NBAS: variants seen among roughly 807,000 people sequenced by gnomAD.
The protein encoded by NBAS is NBAS subunit of NRZ tethering complex.
In NBAS, 219 loss-of-function variants were observed where a neutral mutation model predicts 302.5. That is an observed-to-expected ratio of 0.72 (90% CI 0.65 to 0.81). The LOEUF is 0.81. Ranked by LOEUF, NBAS falls within the 30% of genes least tolerant of loss-of-function variation. NBAS has a pLI of 0.00. For missense variants in NBAS, 2,932 were observed against 2,841.6 expected, an observed-to-expected ratio of 1.03 and a Z score of -0.72; for synonymous variants, 1,118 against 1,021.6, an observed-to-expected ratio of 1.09 and a Z score of -1.80.
At chr2:15,231,810 G>A (rs1037864466) in intron 47 of NBAS, among the ~76,000 whole-genome samples, 9 of 152,068 alleles carry the variant, frequency 5.9e-5, no homozygotes, top group African/African-American at 2.2e-4. Flanking sequence ...ATTGGGGAGA[G>A]GACTTACATG....
chr2:15,249,302 A>C (rs1304900574), intron 44 of NBAS, among the ~76,000 whole-genome samples: 2 of 152,222 alleles, frequency 1.3e-5, no homozygotes, highest in Non-Finnish European at 2.9e-5. Flanking sequence ...CTAGGTATTG[A>C]TGAAACGTAT....
At chr2:15,535,523 G>GAAAT (rs58852086) in intron 8 of NBAS, among the ~76,000 whole-genome samples, 14,809 of 99,484 alleles carry the variant, frequency 0.15, 1,079 homozygotes, top group African/African-American at 0.31. Context: ...CTCCGTCTCA[G>GAAAT]AAATAAATAA....
the NBAS span, among the ~76,000 whole-genome samples, chr2:15,151,823 T>A: frequency 6.6e-6 from 1 of 152,154 alleles, no homozygotes; most frequent in Non-Finnish European, 1.5e-5. Flanking sequence ...GTCTCCTTGG[T>A]GCTGTATCCA....
the NBAS span, among the ~76,000 whole-genome samples, chr2:14,812,108 C>T: frequency 6.6e-6 from 1 of 152,202 alleles, no homozygotes; most frequent in East Asian, 1.9e-4. Context: ...ATTCACATAG[C>T]TGGCAGTTGG....
intron 9 of NBAS, among the ~76,000 whole-genome samples, chr2:15,521,695 G>A (rs1468099554): frequency 6.6e-6 from 1 of 152,194 alleles, no homozygotes; most frequent in African/African-American, 2.4e-5. Context: ...AAGACAGGGT[G>A]TTTGGCTTTA....
chr2:15,205,984 G>C (rs1666123616), intron 48 of NBAS, among the ~76,000 whole-genome samples: 1 of 152,144 alleles, frequency 6.6e-6, no homozygotes, highest in Non-Finnish European at 1.5e-5. Context: ...CTGATATAAA[G>C]ATACCTGAAA....
At chr2:15,168,406 GA>G (rs1221956494) in intron 51 of NBAS, among the ~76,000 whole-genome samples, 1 of 152,180 alleles carries the variant, frequency 6.6e-6, no homozygotes, top group Admixed American at 6.5e-5. Context: ...GAAGTACTGA[GA>G]ATAAAATCCT....
chr2:15,255,318 T>C (rs940708951), intron 44 of NBAS, among the ~76,000 whole-genome samples: 1 of 152,216 alleles, frequency 6.6e-6, no homozygotes, highest in South Asian at 2.1e-4. Flanking sequence ...TGATAATTAG[T>C]GATGTTGAAC....
At chr2:15,331,681 A>C (rs933834050) in intron 35 of NBAS, among the ~76,000 whole-genome samples, 4 of 152,198 alleles carry the variant, frequency 2.6e-5, no homozygotes, top group Non-Finnish European at 5.9e-5. Flanking sequence ...GTAATCAATT[A>C]ATTACCCGGG....
chr2:15,558,549 T>A (rs1425065607), intron 2 of NBAS, 31 bp downstream of exon 2: 1 of 1,583,674 alleles, frequency 6.3e-7, no homozygotes, highest in African/African-American at 1.3e-5. Context: ...GTTAACCATA[T>A]CATTACTGTA....
In NBAS at chr2:15,294,199, G is replaced by A. The variant is rs1670445250; in HGVS notation, c.4798-1433C>T. On this transcript the variant is annotated intron_variant, in intron 40 of 51. Coordinates refer to ENST00000281513, the MANE Select transcript of NBAS (RefSeq NM_015909.4). ...CCTAGGGTGCTCTGGGAATACACAG[G>A]AGTGGGCAGGTGTTATCGAAGTCTT... 2.0e-5 allele frequency among the ~76,000 whole-genome samples: 3 copies of A among 152,336 alleles called. No homozygotes were observed. In the South Asian group the frequency reaches 6.2e-4, roughly 32 times the overall value.
rs941982290 is a variant in NBAS at position 15,296,864 on chromosome 2, C to T, written c.4798-4098G>A. ...AAAAATAAATAAATAAATAAACAAA[C>T]AAATAAATTAGAATTTCAGGCCACA... is the stretch of plus-strand genomic sequence containing the variant. On this transcript the variant is annotated intron_variant, in intron 40 of 51. Transcript: ENST00000281513. Among the ~76,000 whole-genome samples the T allele has an allele frequency of 2.0e-5, 3 of 151,868 alleles. No individual in the cohort carries two copies. In the South Asian group the frequency reaches 6.2e-4, roughly 32 times the overall value.
chr2:15,146,118 C>A, the NBAS span, among the ~76,000 whole-genome samples: 1 of 152,152 alleles, frequency 6.6e-6, no homozygotes, highest in East Asian at 1.9e-4. Flanking sequence ...GGCTGGCTGG[C>A]CTGGTATGAA....
chr2:15,013,688 G>A, the NBAS span, among the ~76,000 whole-genome samples: 2 of 152,188 alleles, frequency 1.3e-5, no homozygotes, highest in African/African-American at 2.4e-5. Flanking sequence ...GGAGGCTGAG[G>A]CAGGAGAATT....
the NBAS span, among the ~76,000 whole-genome samples, chr2:15,063,363 G>A: frequency 3.3e-5 from 5 of 152,154 alleles, no homozygotes; most frequent in South Asian, 4.2e-4. Context: ...TGTAGCTCAC[G>A]GTGGTCTGAC....
the NBAS span, among the ~76,000 whole-genome samples, chr2:14,883,192 T>G: frequency 6.6e-6 from 1 of 152,216 alleles, no homozygotes; most frequent in Non-Finnish European, 1.5e-5. Flanking sequence ...AGCTTCAAGG[T>G]GTGCATATGT....
intron 48 of NBAS, among the ~76,000 whole-genome samples, chr2:15,200,486 T>C (rs1558431430): frequency 6.6e-6 from 1 of 152,186 alleles, no homozygotes; most frequent in Admixed American, 6.5e-5. Flanking sequence ...ATACCTCTTT[T>C]AACATCCCCA....
At chr2:15,261,265 A>G (rs766499473) in intron 44 of NBAS, among the ~76,000 whole-genome samples, 11 of 152,312 alleles carry the variant, frequency 7.2e-5, no homozygotes, top group South Asian at 4.1e-4. Flanking sequence ...CCACTTAGTC[A>G]TTCTTTTCTT....
chr2:15,077,748 A>G, the NBAS span, among the ~76,000 whole-genome samples: 1 of 151,348 alleles, frequency 6.6e-6, no homozygotes, highest in African/African-American at 2.4e-5. Context: ...CAGTGGCACA[A>G]TCTCAGCTCA....
Sources: allele counts gnomAD v4.1 joint callset (sites outside exome capture counted in the v4.1 genomes callset), GRCh38; gene constraint gnomAD v4.1.1; transcripts MANE v1.5; gene names NCBI Gene and HGNC (gene_info 2026-07-23, HGNC 2026-07-21).